Variants in ELAPOR2 observed in about 807,000 individuals in gnomAD.
The protein encoded by ELAPOR2 is endosome-lysosome associated apoptosis and autophagy regulator family member 2.
A neutral mutation model predicts 120.7 loss-of-function variants in ELAPOR2; 89 were observed. That is an observed-to-expected ratio of 0.74 (90% CI 0.62 to 0.88). The LOEUF (loss-of-function observed/expected upper bound fraction) is 0.88. Ranked by LOEUF, ELAPOR2 falls within the 40% of genes least tolerant of loss-of-function variation. The probability of loss-of-function intolerance (pLI) is 0.00; values close to 1 mark genes in which losing one functional copy is unlikely to be tolerated. For synonymous variants in ELAPOR2, 444 were observed against 444.9 expected (o/e 1.00, Z 0.03); for missense variants, 1,134 against 1,251.6 (o/e 0.91, Z 1.42).
chr7:87,040,704 G>C (rs533047962), intron 1 of ELAPOR2, among the ~76,000 whole-genome samples: 1 of 152,232 alleles, frequency 6.6e-6, no homozygotes, highest in African/African-American at 2.4e-5. Flanking sequence ...AAAGCAGAGC[G>C]CCTCTCCTCC....
chr7:87,018,318 C>T (rs558141765), intron 1 of ELAPOR2, among the ~76,000 whole-genome samples: 1 of 152,130 alleles, frequency 6.6e-6, no homozygotes, highest in East Asian at 1.9e-4. Flanking sequence ...TGATTACAGG[C>T]GCGAGCCACC....
chr7:87,048,266 G>A (rs1243679220), intron 1 of ELAPOR2, among the ~76,000 whole-genome samples: 1 of 151,466 alleles, frequency 6.6e-6, no homozygotes, highest in Non-Finnish European at 1.5e-5. Flanking sequence ...AAGAAAATGT[G>A]GTATGTATAC....
chr7:86,925,742 C>T, intron 9 of ELAPOR2, 86 bp from the exon 10 acceptor site: 1 of 1,200,376 alleles, frequency 8.3e-7, no homozygotes, highest in Non-Finnish European at 1.2e-6. Flanking sequence ...CACTACATTA[C>T]AATTAGCAGG....
intron 1 of ELAPOR2, among the ~76,000 whole-genome samples, chr7:87,000,326 C>T (rs1793275138): frequency 6.6e-6 from 1 of 152,034 alleles, no homozygotes; most frequent in Non-Finnish European, 1.5e-5. Context: ...AGACTGAGAC[C>T]AAGCCTTTCC....
chr7:87,050,204 G>T (rs1306497070), intron 1 of ELAPOR2, among the ~76,000 whole-genome samples: 3 of 152,134 alleles, frequency 2.0e-5, no homozygotes, highest in African/African-American at 7.2e-5. Context: ...GCTTCATGGA[G>T]GTCAGATTAG....
At chr7:86,881,682 GACA>G (rs1799412999) in intron 21 of ELAPOR2, among the ~76,000 whole-genome samples, 1 of 152,002 alleles carries the variant, frequency 6.6e-6, no homozygotes, top group Non-Finnish European at 1.5e-5. Context: ...TCTTTGTAGA[GACA>G]ACATTTTGCC....
chr7:86,947,090 T>C (rs112587834), intron 3 of ELAPOR2, among the ~76,000 whole-genome samples: 64 of 152,282 alleles, frequency 4.2e-4, no homozygotes, highest in African/African-American at 1.5e-3. Context: ...AGGCTACTCT[T>C]GTCAGGGGGT....
At chr7:86,891,518 T>A in intron 21 of ELAPOR2, 2 of 479,458 alleles carry the variant, frequency 4.2e-6, no homozygotes, top group Non-Finnish European at 7.3e-6. Flanking sequence ...AACTCCTTAC[T>A]GATGATGTTT....
intron 1 of ELAPOR2, among the ~76,000 whole-genome samples, chr7:87,049,224 T>G (rs187341101): frequency 6.6e-6 from 1 of 152,072 alleles, no homozygotes; most frequent in African/African-American, 2.4e-5. Context: ...AAAAGGACTA[T>G]AGAGAAAAAC....
At chr7:86,946,818 C>T (rs1232385462) in intron 3 of ELAPOR2, among the ~76,000 whole-genome samples, 1 of 152,188 alleles carries the variant, frequency 6.6e-6, no homozygotes, top group East Asian at 1.9e-4. Flanking sequence ...CTCCTGCCCA[C>T]CAAAACAAAG....
intron 21 of ELAPOR2, among the ~76,000 whole-genome samples, chr7:86,890,849 C>A (rs1052454148): frequency 6.6e-6 from 1 of 151,840 alleles, no homozygotes; most frequent in South Asian, 2.1e-4. Context: ...TATTTATGTG[C>A]CTAAATTAGG....
At chr7:86,992,964 G>A (rs987318307) in intron 1 of ELAPOR2, among the ~76,000 whole-genome samples, 25 of 152,062 alleles carry the variant, frequency 1.6e-4, no homozygotes, top group African/African-American at 5.8e-4. Context: ...CTTGCCGGGC[G>A]TGGTGGATCA....
intron 1 of ELAPOR2, among the ~76,000 whole-genome samples, chr7:87,056,302 T>A (rs916562742): frequency 1.3e-5 from 2 of 152,238 alleles, no homozygotes; most frequent in Admixed American, 6.5e-5. Flanking sequence ...TGGTCATGTT[T>A]CATTAATAAC....
At chr7:86,880,674 G>A in intron 21 of ELAPOR2, 144 bp from the exon 22 acceptor site, 1 of 612,204 alleles carries the variant, frequency 1.6e-6, no homozygotes, top group African/African-American at 1.9e-5. Context: ...GTTAAAATTG[G>A]GTGGCAGATA....
chr7:86,981,727 G>A (rs1273654121), intron 1 of ELAPOR2, among the ~76,000 whole-genome samples: 3 of 152,196 alleles, frequency 2.0e-5, no homozygotes, highest in African/African-American at 7.2e-5. Flanking sequence ...CCAGTCTGCA[G>A]CTCCCAGCGT....
rs1157082225 is a variant in ELAPOR2, at chr7:86,926,978, T to C, written c.1090-62A>G. On this transcript the variant is annotated intron_variant, in intron 8 of 21. Transcript: ENST00000450689. ...ATATAACATGCTTATAACAAAAATC[T>C]TAAACTGGCAGTATAGGAAAAGTAC... 2.2e-6 allele frequency: 3 copies of C among 1,386,996 alleles called. No homozygotes were observed. In the African/African-American group the frequency reaches 4.5e-5, roughly 21 times the overall value. 85.9% of individuals were successfully genotyped at this position (1,386,996 alleles called of 1,614,324 possible). A position where few individuals can be genotyped will look rare whatever the true frequency, so the allele number is the denominator to read the frequency against.
intron 1 of ELAPOR2, among the ~76,000 whole-genome samples, chr7:86,990,401 T>C (rs1792905306): frequency 6.6e-6 from 1 of 152,052 alleles, no homozygotes; most frequent in South Asian, 2.1e-4. Context: ...GGTGGCTCTA[T>C]AAGAGGAGAG....
At chr7:87,039,349 G>A (rs766443722) in intron 1 of ELAPOR2, among the ~76,000 whole-genome samples, 1 of 152,016 alleles carries the variant, frequency 6.6e-6, no homozygotes, top group Non-Finnish European at 1.5e-5. Context: ...AACTAATCTC[G>A]GTCCAACTCA....
chr7:86,993,246 A>AAAAAAAAAAAAAAG (rs796528835), intron 1 of ELAPOR2, among the ~76,000 whole-genome samples: 42 of 143,986 alleles, frequency 2.9e-4, no homozygotes, highest in African/African-American at 5.0e-4. Flanking sequence ...AAAAAAAAAA[A>AAAAAAAAAAAAAAG]AAAAGAAAAA....
Sources: allele counts gnomAD v4.1 joint callset (sites outside exome capture counted in the v4.1 genomes callset), GRCh38; gene constraint gnomAD v4.1.1; transcripts MANE v1.5; gene names NCBI Gene and HGNC (gene_info 2026-07-23, HGNC 2026-07-21).